Variants in KIAA0513 observed in about 807,000 individuals in gnomAD.
The protein encoded by KIAA0513 is KIAA0513.
KIAA0513 carries 39 observed loss-of-function variants against 56.5 expected under a neutral mutation model. The ratio of observed to expected loss-of-function variants is 0.69; its 90% confidence interval spans 0.53 to 0.90. The LOEUF is 0.90. KIAA0513 is among the 40% of genes least tolerant of loss of function. The pLI is 0.00. For missense variants in KIAA0513, 591 were observed against 535.2 expected, an observed-to-expected ratio of 1.10 and a Z score of -1.03; for synonymous variants, 268 against 215.6, an observed-to-expected ratio of 1.24 and a Z score of -2.13.
chr16:85,058,042 G>C (rs1490619349), intron 1 of KIAA0513, among the ~76,000 whole-genome samples: 2 of 152,200 alleles, frequency 1.3e-5, no homozygotes, highest in African/African-American at 4.8e-5. Context: ...AGGCTCTTAT[G>C]TTCACAGCAG....
Position 85,090,696 on chromosome 16 carries a change from T to A in KIAA0513, c.*2371T>A, listed in dbSNP as rs1015890504. 1 of 152,254 alleles carries A rather than the reference T, an allele frequency of 6.6e-6. No individual in the cohort carries two copies. The highest frequency in any genetic ancestry group is 1.5e-5 in the Non-Finnish European group (1 of 68,090). 9.4% of individuals were successfully genotyped at this position (152,254 alleles called of 1,614,324 possible). ...GTTGGAGGAAGGCTGACAGAGAAGG[T>A]CTCCTCTGTGCTCCATCCACACAGG... On this transcript the variant is annotated 3_prime_UTR_variant, in exon 13 of 13. Coordinates refer to ENST00000683363, the MANE Select transcript of KIAA0513 (RefSeq NM_001388359.1).
intron 2 of KIAA0513, among the ~76,000 whole-genome samples, chr16:85,068,975 T>C (rs1453147083): frequency 1.3e-5 from 2 of 152,128 alleles, no homozygotes. Flanking sequence ...AAATTAAATA[T>C]AGGGCCAACG....
Position 85,077,487 on chromosome 16 carries a change from C to G in KIAA0513, c.637C>G (p.Leu213Val), listed in dbSNP as rs1162517852. Reference protein sequence around the residue: ...EKPAGSIDSYLKSANSWLAEK... With the variant: ...EKPAGSIDSYVKSANSWLAEK... The stretch of plus-strand genomic sequence containing the variant: ...GCCCGCGGGCAGCATCGACTCCTAC[C>G]TGAAATCCGCAAACAGCTGGCTGGC... The change falls in exon 6 of 13, where the codon CTG becomes GTG. Residue 213 changes from leucine to valine, a missense_variant. Leu to Val is a conservative substitution (Grantham distance 32). Coordinates refer to ENST00000683363, the MANE Select transcript of KIAA0513 (RefSeq NM_001388359.1). The G allele has an allele frequency of 9.9e-6, 16 of 1,614,094 alleles. No homozygotes were observed. Among genetic ancestry groups the G allele is most frequent in the Non-Finnish European group, 1.4e-5 (16 of 1,180,050 alleles).
chr16:85,032,739 T>A (rs1257201407), intron 1 of KIAA0513, among the ~76,000 whole-genome samples: 1 of 152,128 alleles, frequency 6.6e-6, no homozygotes, highest in Non-Finnish European at 1.5e-5. Flanking sequence ...CACACCATCC[T>A]CCTGCCTCAG....
intron 1 of KIAA0513, among the ~76,000 whole-genome samples, chr16:85,047,378 C>A (rs1470708282): frequency 1.3e-5 from 2 of 152,182 alleles, no homozygotes; most frequent in African/African-American, 4.8e-5. Context: ...CGAGCACTTT[C>A]CGGTTTCCTG....
intron 1 of KIAA0513, among the ~76,000 whole-genome samples, chr16:85,032,104 T>C (rs1370347899): frequency 6.6e-6 from 1 of 152,216 alleles, no homozygotes; most frequent in Non-Finnish European, 1.5e-5. Context: ...TGGTTCCTTC[T>C]TGGGGACTCA....
intron 1 of KIAA0513, among the ~76,000 whole-genome samples, chr16:85,038,188 C>T (rs1567520570): frequency 1.3e-5 from 2 of 152,196 alleles, no homozygotes; most frequent in Non-Finnish European, 2.9e-5. Flanking sequence ...TAGAATGGCC[C>T]AGGTCCATGC....
intron 1 of KIAA0513, among the ~76,000 whole-genome samples, chr16:85,050,181 A>G (rs778059255): frequency 7.2e-5 from 11 of 152,192 alleles, no homozygotes; most frequent in Non-Finnish European, 1.6e-4. Context: ...CGACTCAGGA[A>G]TTACCTAGGA....
chr16:85,075,867 G>A lies in KIAA0513; in HGVS notation c.527G>A (p.Gly176Glu). ...AGGTGTCATCAGATGGATGACTTTG[G>A]GCCTGCCAAGAACCTCATGACCATG... ...LFECHQMDDF[G>E]PAKNLMTMCF... Residue 176 changes from glycine to glutamate, a missense_variant, in exon 5 of 13, where the codon GGG becomes GAG. Transcript: ENST00000683363. 1 of 1,614,146 alleles carries A rather than the reference G, an allele frequency of 6.2e-7. No homozygotes were observed. The highest frequency in any genetic ancestry group is 1.1e-5 in the South Asian group (1 of 91,080).
rs559270379 is a variant in KIAA0513, at chr16:85,035,185, G to A, written c.-173+7327G>A. On this transcript the variant is annotated intron_variant, in intron 1 of 12. Coordinates refer to ENST00000683363, the MANE Select transcript of KIAA0513 (RefSeq NM_001388359.1). The stretch of plus-strand genomic sequence containing the variant: ...TGGTGCTGGGTCTGTCCCCCATTCC[G>A]TGGCAGGCACTTGTCTCTTGCCCCC... Among the ~76,000 whole-genome samples, 6 of 152,286 alleles carry A rather than the reference G, an allele frequency of 3.9e-5. No individual in the cohort carries two copies. In the South Asian group the frequency reaches 6.2e-4, roughly 16 times the overall value.
At chr16:85,030,968 G>A (rs566748002) in intron 1 of KIAA0513, among the ~76,000 whole-genome samples, 4 of 151,896 alleles carry the variant, frequency 2.6e-5, no homozygotes, top group South Asian at 4.2e-4. Context: ...TGAAACAGGT[G>A]ATAGTTCCAA....
At chr16:85,069,256 G>T (rs2073536275) in intron 2 of KIAA0513, among the ~76,000 whole-genome samples, 1 of 151,246 alleles carries the variant, frequency 6.6e-6, no homozygotes, top group Admixed American at 6.6e-5. Flanking sequence ...TGTCACCCAG[G>T]CTTGAGTGCA....
chr16:85,060,952 G>A (rs936069932), intron 1 of KIAA0513, among the ~76,000 whole-genome samples: 5 of 151,722 alleles, frequency 3.3e-5, no homozygotes, highest in Middle Eastern at 3.2e-3. Flanking sequence ...TCAGGAGTTC[G>A]AGACCAACCT....
chr16:85,060,859 GAAGA>G (rs1182882564), intron 1 of KIAA0513, among the ~76,000 whole-genome samples: 1 of 143,740 alleles, frequency 7.0e-6, no homozygotes, highest in Admixed American at 6.8e-5. Context: ...AAAAAAAAAA[GAAGA>G]AAGAAAAAGA....
rs755407705 is a variant in KIAA0513 at position 85,077,635 on chromosome 16, AC to A, written c.782+4del. On this transcript the variant is annotated splice_donor_region_variant and intron_variant, in intron 6 of 12. Transcript: ENST00000683363. ...GGGCCCCTGGCCAGGAGGAACGAGT[AC>A]GTGTGGCCTTGGGGTCCCTCCCACC... 5.0e-6 allele frequency: 8 copies of A among 1,603,108 alleles called. No individual in the cohort carries two copies. In the African/African-American group the frequency reaches 1.1e-4, roughly 21 times the overall value.
rs529406956 is a variant in KIAA0513 at position 85,091,354 on chromosome 16, T to C, written c.*3029T>C. 5.8e-4 allele frequency: 88 copies of C among 152,330 alleles called. No individual in the cohort carries two copies. Among genetic ancestry groups the C allele is most frequent in the African/African-American group, 2.0e-3 (84 of 41,578 alleles). The allele number at this position is 152,330 out of a possible 1,614,324, so 9.4% of individuals were successfully genotyped here. A position where few individuals can be genotyped will look rare whatever the true frequency, so the allele number is the denominator to read the frequency against. On this transcript the variant is annotated 3_prime_UTR_variant, in exon 13 of 13. Transcript: ENST00000683363. ...TAATAGATTGCATCTGCCCTGTGCATGCGCATGTTTAACCACAGGCCAGAG... is the reference window on the plus strand; with the variant it reads ...TAATAGATTGCATCTGCCCTGTGCACGCGCATGTTTAACCACAGGCCAGAG...
intron 5 of KIAA0513, 84 bp from the exon 6 acceptor site, chr16:85,077,341 T>TG: frequency 1.5e-6 from 2 of 1,328,842 alleles, no homozygotes; most frequent in Non-Finnish European, 2.1e-6. Flanking sequence ...ACAGGACCCC[T>TG]GCGGGGCTCC....
In KIAA0513 at chr16:85,077,488, T is replaced by A. The variant is rs2073673739; in HGVS notation, c.638T>A (p.Leu213Gln). ...CCCGCGGGCAGCATCGACTCCTACC[T>A]GAAATCCGCAAACAGCTGGCTGGCC... ...EKPAGSIDSY[L>Q]KSANSWLAEK... Residue 213 changes from leucine (L) to glutamine (Q), a missense_variant, in exon 6 of 13, where the codon CTG becomes CAG. Coordinates refer to ENST00000683363, the MANE Select transcript of KIAA0513 (RefSeq NM_001388359.1). 2 of 1,614,104 alleles carry A rather than the reference T, an allele frequency of 1.2e-6. No individual in the cohort carries two copies. Among genetic ancestry groups the A allele is most frequent in the Non-Finnish European group, 1.7e-6 (2 of 1,180,014 alleles).
chr16:85,029,215 A>G (rs1009821439), intron 1 of KIAA0513, among the ~76,000 whole-genome samples: 5 of 152,208 alleles, frequency 3.3e-5, no homozygotes, highest in African/African-American at 1.2e-4. Flanking sequence ...TTGACTCATG[A>G]GATTTTTTTT....
Sources: gnomAD v4.1 joint callset for allele counts (sites outside exome capture counted in the v4.1 genomes callset) on GRCh38, gnomAD v4.1.1 for gene constraint, MANE v1.5 for transcripts, NCBI Gene and HGNC (gene_info 2026-07-23, HGNC 2026-07-21) for gene names.